Variants in C16orf89 observed in about 807,000 individuals in gnomAD.
C16orf89 encodes the protein chromosome 16 open reading frame 89, also known as UPF0764 protein C16orf89.
C16orf89 carries 57 observed loss-of-function variants against 41.5 expected under a neutral mutation model. That is an observed-to-expected ratio of 1.38 (90% CI 1.11 to 1.71). C16orf89 has a LOEUF of 1.71. Among genes scored for constraint, C16orf89 ranks in the 40% most tolerant of loss-of-function variants. The pLI is 0.00. For synonymous variants in C16orf89, 223 were observed against 190.6 expected (o/e 1.17, Z -1.40); for missense variants, 575 against 445.9 (o/e 1.29, Z -2.61).
At chr16:5,055,904 ACT>A (rs758832774) in intron 5 of C16orf89, 147 bp downstream of exon 5, 1 of 1,217,788 alleles carries the variant, frequency 8.2e-7, no homozygotes, top group Non-Finnish European at 1.1e-6. Context: ...TTAACTGAGC[ACT>A]CTGTATTTTT....
At chr16:5,057,897 G>A (rs1040215585) in intron 4 of C16orf89, among the ~76,000 whole-genome samples, 14 of 151,706 alleles carry the variant, frequency 9.2e-5, no homozygotes, top group Non-Finnish European at 1.9e-4. Flanking sequence ...TCTCTCTCTC[G>A]TTGTGTTTTT....
intron 6 of C16orf89, among the ~76,000 whole-genome samples, chr16:5,052,666 C>A (rs367832741): frequency 2.0e-5 from 3 of 151,732 alleles, no homozygotes; most frequent in African/African-American, 7.3e-5. Flanking sequence ...GGAACTCTTA[C>A]ACACAGTTGA....
intron 3 of C16orf89, 99 bp from the exon 4 acceptor site, chr16:5,058,709 T>A (rs1244660116): frequency 3.1e-5 from 29 of 935,572 alleles, no homozygotes; most frequent in Non-Finnish European, 4.1e-5. Context: ...CCCAGTAGAT[T>A]CCAGACACCC....
Position 5,065,656 on chromosome 16 carries a change from A to G in C16orf89, c.208+45T>C, listed in dbSNP as rs1468331546. 4 of 1,558,418 alleles carry G rather than the reference A, an allele frequency of 2.6e-6. No homozygotes were observed. In the African/African-American group the frequency reaches 5.4e-5, roughly 21 times the overall value. ...GAGCAGGGCAGGGGACAAAGCTGAG[A>G]GCTAGCTTCCCAGTGTCCAGCCAGA... On this transcript the variant is annotated intron_variant, in intron 1 of 7. Transcript: ENST00000472572.
At chr16:5,063,790 T>A (rs56021434) in intron 1 of C16orf89, among the ~76,000 whole-genome samples, 1,774 of 152,254 alleles carry the variant, frequency 0.012, 22 homozygotes, top group Non-Finnish European at 0.018. Context: ...TGATTCTACA[T>A]TGTGGCGAGT....
chr16:5,054,329 G>C (rs1326802316), intron 6 of C16orf89, among the ~76,000 whole-genome samples: 1 of 152,122 alleles, frequency 6.6e-6, no homozygotes, highest in Non-Finnish European at 1.5e-5. Context: ...ATTGCAAAGG[G>C]ACCAGCTGTC....
In C16orf89 at chr16:5,058,581, G is replaced by C; in HGVS notation, c.539C>G (p.Ser180Ter). 3.7e-6 allele frequency: 6 copies of C among 1,612,552 alleles called. No individual in the cohort carries two copies. The highest frequency in any genetic ancestry group is 1.7e-4 in the Middle Eastern group (1 of 5,762). Residue 180 changes from serine (S) to a stop codon, truncating the protein, a stop_gained, in exon 4 of 8, where the codon TCA (serine) becomes TGA (stop). Transcript: ENST00000472572. LOFTEE classifies it high-confidence loss of function. ...GTDSSEPCGL[S>*]DLCRSLMTKP... The stretch of plus-strand genomic sequence containing the variant: ...GGTCATGAGGCTCCTGCAGAGGTCT[G>C]AGAGGCCGCAGGGCTCGCTGCTGTC...
At position 5,064,300 on chromosome 16, in the gene C16orf89, C is replaced by T. The variant is rs538794401; in HGVS notation, c.208+1401G>A. On this transcript the variant is annotated intron_variant, in intron 1 of 7. Coordinates refer to ENST00000472572, the MANE Select transcript of C16orf89 (RefSeq NM_001098514.3). ...GGGACCACTGCAATGGGACGTAGAC[C>T]CTGCCCACTGGGAGCTCATTGTTTA... Among the ~76,000 whole-genome samples, 146 of 152,264 alleles carry T rather than the reference C, an allele frequency of 9.6e-4. 2 individuals carry two copies. Among genetic ancestry groups the T allele is most frequent in the South Asian group, 3.9e-3 (19 of 4,826 alleles).
chr16:5,055,465 G>C, intron 5 of C16orf89, 115 bp from the exon 6 acceptor site: 1 of 1,084,196 alleles, frequency 9.2e-7, no homozygotes, highest in Non-Finnish European at 1.3e-6. Context: ...GGCTTAGGAG[G>C]TGGGCGTTCA....
chr16:5,050,105 T>C (rs1220218027), intron 6 of C16orf89, among the ~76,000 whole-genome samples: 1 of 152,156 alleles, frequency 6.6e-6, no homozygotes, highest in Admixed American at 6.5e-5. Context: ...TGGTGGCTCA[T>C]GCCTGTAATC....
At chr16:5,054,805 G>C (rs1956459121) in intron 6 of C16orf89, among the ~76,000 whole-genome samples, 1 of 152,160 alleles carries the variant, frequency 6.6e-6, no homozygotes, top group Non-Finnish European at 1.5e-5. Context: ...TTTATAAGGG[G>C]TTTCCCTTTG....
intron 6 of C16orf89, among the ~76,000 whole-genome samples, chr16:5,053,933 G>C (rs886106158): frequency 1.3e-5 from 2 of 152,100 alleles, no homozygotes; most frequent in African/African-American, 4.8e-5. Context: ...ATTACATATT[G>C]TATACATGTA....
intron 7 of C16orf89, 29 bp from the exon 8 acceptor site, chr16:5,044,507 G>A (rs1956258208): frequency 1.2e-5 from 20 of 1,611,302 alleles, no homozygotes; most frequent in Non-Finnish European, 1.6e-5. Flanking sequence ...ATGAGTGCTG[G>A]GTGGCAAGAA....
chr16:5,053,504 A>G (rs1158586807), intron 6 of C16orf89, among the ~76,000 whole-genome samples: 1 of 151,630 alleles, frequency 6.6e-6, no homozygotes, highest in Non-Finnish European at 1.5e-5. Context: ...ACCGTTCCAT[A>G]GCACTATAGG....
At chr16:5,056,528 C>CA (rs1199390728) in intron 4 of C16orf89, among the ~76,000 whole-genome samples, 2 of 152,202 alleles carry the variant, frequency 1.3e-5, no homozygotes, top group East Asian at 3.9e-4. Context: ...GGGAAGTGCC[C>CA]AATGTGATGC....
rs149901195 is a variant in C16orf89 at position 5,048,378 on chromosome 16, A to T, written c.869-414T>A. ...GTTACTCACTAAACCTCCTGCCCCCATAACATTTCAAGGAAGTTAGGTCTT... is the reference window on the plus strand; with the variant it reads ...GTTACTCACTAAACCTCCTGCCCCCTTAACATTTCAAGGAAGTTAGGTCTT... On this transcript the variant is annotated intron_variant, in intron 6 of 7. Coordinates refer to ENST00000472572, the MANE Select transcript of C16orf89 (RefSeq NM_001098514.3). 3.9e-3 allele frequency among the ~76,000 whole-genome samples: 596 copies of T among 152,274 alleles called. 19 individuals are homozygous for T. The highest frequency in any genetic ancestry group is 0.035 in the Admixed American group (541 of 15,284).
At position 5,047,940 on chromosome 16, in the gene C16orf89, T is replaced by A; in HGVS notation, c.893A>T (p.Lys298Ile). Residue 298 changes from lysine (K) to isoleucine (I), a missense_variant, in exon 7 of 8, where the codon AAA (lysine) becomes ATA (isoleucine). Coordinates refer to ENST00000472572, the MANE Select transcript of C16orf89 (RefSeq NM_001098514.3). ...EPDAEDEELSKAIQYQQHFSR... is the reference protein window; with the variant it reads ...EPDAEDEELSIAIQYQQHFSR... Reference sequence around the variant, plus strand: ...AAAATGCTGCTGATATTGAATAGCTTTAGATAATTCTTCATCTTCAGCATC... The same window carrying A: ...AAAATGCTGCTGATATTGAATAGCTATAGATAATTCTTCATCTTCAGCATC... 6.3e-7 allele frequency: 1 copy of A among 1,599,806 alleles called. No homozygotes were observed. The highest frequency in any genetic ancestry group is 8.6e-7 in the Non-Finnish European group (1 of 1,167,954).
downstream of C16orf89, chr16:5,043,583 A>G (rs866496059): frequency 2.0e-5 from 3 of 152,254 alleles, no homozygotes; most frequent in Non-Finnish European, 4.4e-5. Context: ...AAAAATGAGT[A>G]TGTGCTGCCT....
At chr16:5,060,969 T>TTA (rs869193160) in intron 2 of C16orf89, among the ~76,000 whole-genome samples, 1 of 146,358 alleles carries the variant, frequency 6.8e-6, no homozygotes, top group African/African-American at 2.5e-5. Flanking sequence ...TTTTTTTTTT[T>TTA]AAGAGGCAGG....
Sources: gnomAD v4.1 joint callset for allele counts (sites outside exome capture counted in the v4.1 genomes callset) on GRCh38, gnomAD v4.1.1 for gene constraint, MANE v1.5 for transcripts, NCBI Gene and HGNC (gene_info 2026-07-23, HGNC 2026-07-21) for gene names.